Variants in TYR observed in about 807,000 individuals in gnomAD.
TYR encodes the protein LB24-AB.
A neutral mutation model predicts 51.5 loss-of-function variants in TYR; 58 were observed. That is an observed-to-expected ratio of 1.13 (90% CI 0.91 to 1.40). TYR has a LOEUF of 1.40. Ranked by LOEUF, TYR falls within the 40% of genes most tolerant of loss-of-function variation. TYR has a pLI of 0.00. For synonymous variants in TYR, 263 were observed against 235.2 expected (o/e 1.12, Z -1.08); for missense variants, 732 against 647.4 (o/e 1.13, Z -1.42).
chr11:89,270,889 C>T (rs1371401870), intron 3 of TYR, among the ~76,000 whole-genome samples: 2 of 151,650 alleles, frequency 1.3e-5, no homozygotes, highest in Non-Finnish European at 1.5e-5. Context: ...CATATAATGA[C>T]CAATAAGGCA....
chr11:89,196,521 G>C (rs1943521362), intron 2 of TYR, among the ~76,000 whole-genome samples: 2 of 152,056 alleles, frequency 1.3e-5, no homozygotes, highest in Non-Finnish European at 2.9e-5. Context: ...ATTAAGTATT[G>C]GCTGACAGAC....
intron 2 of TYR, among the ~76,000 whole-genome samples, chr11:89,197,794 A>G (rs1190537747): frequency 6.6e-6 from 1 of 152,120 alleles, no homozygotes; most frequent in Non-Finnish European, 1.5e-5. Flanking sequence ...CACATCTGTG[A>G]TTGATTTCTA....
chr11:89,239,849 G>T (rs74821298), intron 3 of TYR, among the ~76,000 whole-genome samples: 4,372 of 152,056 alleles, frequency 0.029, 208 homozygotes, highest in African/African-American at 0.1. Flanking sequence ...TGAATTTTTT[G>T]AAATTCTTTC....
intron 2 of TYR, chr11:89,191,971 C>A: frequency 2.3e-6 from 1 of 432,344 alleles, no homozygotes; most frequent in East Asian, 7.4e-5. Flanking sequence ...TACTATTTTC[C>A]TACGTTTTAG....
intron 3 of TYR, among the ~76,000 whole-genome samples, chr11:89,265,273 AAGG>A (rs1263235267): frequency 6.6e-6 from 1 of 152,042 alleles, no homozygotes; most frequent in Non-Finnish European, 1.5e-5. Flanking sequence ...GCCTTCAAAC[AAGG>A]AGTTTACTCC....
At chr11:89,289,710 G>T (rs981321330) in intron 4 of TYR, among the ~76,000 whole-genome samples, 1 of 151,898 alleles carries the variant, frequency 6.6e-6, no homozygotes, top group African/African-American at 2.4e-5. Context: ...GAGAGTTTGT[G>T]ACAAGCTTGA....
chr11:89,279,077 A>G (rs888275027), intron 3 of TYR, among the ~76,000 whole-genome samples: 1 of 151,666 alleles, frequency 6.6e-6, no homozygotes, highest in African/African-American at 2.4e-5. Flanking sequence ...GGACTCAAAA[A>G]TGTACCCCAA....
chr11:89,251,447 C>T (rs1290570440), intron 3 of TYR, among the ~76,000 whole-genome samples: 1 of 151,644 alleles, frequency 6.6e-6, no homozygotes, highest in African/African-American at 2.4e-5. Flanking sequence ...GTAAAGCATG[C>T]CCAAGATACA....
intron 3 of TYR, among the ~76,000 whole-genome samples, chr11:89,249,898 T>C (rs976284095): frequency 6.6e-6 from 1 of 151,940 alleles, no homozygotes; most frequent in African/African-American, 2.4e-5. Context: ...GCCTTTGCCA[T>C]GAGTTGGAAG....
At chr11:89,230,077 A>C (rs549465861) in intron 3 of TYR, among the ~76,000 whole-genome samples, 1 of 152,246 alleles carries the variant, frequency 6.6e-6, no homozygotes, top group Non-Finnish European at 1.5e-5. Context: ...GAACCTGAAT[A>C]GCCAAAACAA....
At chr11:89,255,944 T>C (rs913141730) in intron 3 of TYR, among the ~76,000 whole-genome samples, 3 of 151,710 alleles carry the variant, frequency 2.0e-5, no homozygotes, top group Non-Finnish European at 4.4e-5. Flanking sequence ...GCTGGTCTAG[T>C]ATCTTCTGAC....
chr11:89,275,188 T>C (rs554549512), intron 3 of TYR, among the ~76,000 whole-genome samples: 4 of 152,060 alleles, frequency 2.6e-5, no homozygotes, highest in Admixed American at 2.6e-4. Context: ...CTTTCTTACA[T>C]ACTCTGAGAG....
chr11:89,208,945 G>A (rs1255399626), intron 2 of TYR, among the ~76,000 whole-genome samples: 1 of 152,192 alleles, frequency 6.6e-6, no homozygotes, highest in African/African-American at 2.4e-5. Flanking sequence ...TTTCAGTTGA[G>A]TTTAAATCCT....
chr11:89,197,993 C>CA (rs771285408), intron 2 of TYR, among the ~76,000 whole-genome samples: 1 of 152,014 alleles, frequency 6.6e-6, no homozygotes, highest in African/African-American at 2.4e-5. Context: ...ACTATTTCAC[C>CA]ACTTCACATG....
intron 2 of TYR, among the ~76,000 whole-genome samples, chr11:89,203,532 AC>A (rs1943627858): frequency 6.6e-6 from 1 of 152,202 alleles, no homozygotes; most frequent in African/African-American, 2.4e-5. Flanking sequence ...AAGTAGGTAC[AC>A]TTTTCTCTAT....
In TYR at chr11:89,241,259, A is replaced by AAGG. The variant is rs1421601740; in HGVS notation, c.1184+13289_1184+13290insAGG. Among the ~76,000 whole-genome samples the AAGG allele has an allele frequency of 7.9e-5, 12 of 152,260 alleles. No homozygotes were observed. In the East Asian group the frequency reaches 9.7e-4, roughly 12 times the overall value. Reference sequence around the variant, plus strand: ...TTCATATGTTACTTCTACAGATGTGACCTGCCTCAGGAAGAAATGTCTGCC... The same window carrying AAGG: ...TTCATATGTTACTTCTACAGATGTGAAGGCCTGCCTCAGGAAGAAATGTCTGCC... On this transcript the variant is annotated intron_variant, in intron 3 of 4. Transcript: ENST00000263321.
intron 3 of TYR, 29 bp from the exon 4 acceptor site, chr11:89,284,744 C>T: frequency 6.2e-7 from 1 of 1,605,390 alleles, no homozygotes; most frequent in Non-Finnish European, 8.5e-7. Flanking sequence ...CAATATGTTT[C>T]TTAGTCTGAA....
rs542856981 is a variant in TYR at position 89,294,519 on chromosome 11, G to T, written c.1367-624G>T. Among the ~76,000 whole-genome samples the T allele has an allele frequency of 2.8e-4, 42 of 152,300 alleles. No individual in the cohort carries two copies. In the East Asian group the frequency reaches 6.0e-3, roughly 22 times the overall value. On this transcript the variant is annotated intron_variant, in intron 4 of 4. Transcript: ENST00000263321. ...AGGCCCAGAGTGCGGACGCTCCAGG[G>T]TACCGCGGCACAGGGCCCACTCCTA...
At chr11:89,212,453 C>A (rs955796477) in intron 2 of TYR, among the ~76,000 whole-genome samples, 5 of 152,086 alleles carry the variant, frequency 3.3e-5, no homozygotes, top group African/African-American at 7.2e-5. Flanking sequence ...TAATAGCCTA[C>A]CAACTAAAAA....
Sources: allele counts gnomAD v4.1 joint callset (sites outside exome capture counted in the v4.1 genomes callset), GRCh38; gene constraint gnomAD v4.1.1; transcripts MANE v1.5; gene names NCBI Gene and HGNC (gene_info 2026-07-23, HGNC 2026-07-21).